RECQL5: variants seen among roughly 807,000 people sequenced by gnomAD.
RECQL5 encodes ATP-dependent DNA helicase Q5.
In RECQL5, 88 loss-of-function variants were observed where a neutral mutation model predicts 103.4. The observed-to-expected ratio is 0.85, with a 90% CI of 0.72 to 1.02. RECQL5 has a LOEUF of 1.02. Ranked by LOEUF, RECQL5 falls within the 50% of genes least tolerant of loss-of-function variation. RECQL5 has a pLI of 0.00. For missense variants in RECQL5, 1,232 were observed against 1,284.3 expected, an observed-to-expected ratio of 0.96 and a Z score of 0.62; for synonymous variants, 552 against 507.9, an observed-to-expected ratio of 1.09 and a Z score of -1.17.
Position 75,658,669 on chromosome 17 carries a change from G to C in RECQL5, c.987-209C>G, listed in dbSNP as rs73995958. Among the ~76,000 whole-genome samples, 562 of 152,260 alleles carry C rather than the reference G, an allele frequency of 3.7e-3. 3 individuals are homozygous for C. The highest frequency in any genetic ancestry group is 0.012 in the African/African-American group (507 of 41,538). ...CTTAGAGGCCACAGCAGGAGTTAAG[G>C]GGGGGCAAATCCAGCACATATGAGG... On this transcript the variant is annotated intron_variant, in intron 6 of 19. Coordinates refer to ENST00000317905, the MANE Select transcript of RECQL5 (RefSeq NM_004259.7).
At chr17:75,632,046 A>G (rs1010707621) in intron 8 of RECQL5, among the ~76,000 whole-genome samples, 2 of 152,224 alleles carry the variant, frequency 1.3e-5, no homozygotes, top group Non-Finnish European at 2.9e-5. Flanking sequence ...AAGCCCATGC[A>G]TTCCCGTCAG....
chr17:75,645,297 A>T (rs1271046662), intron 8 of RECQL5, among the ~76,000 whole-genome samples: 2 of 152,220 alleles, frequency 1.3e-5, no homozygotes, highest in East Asian at 3.8e-4. Context: ...ATTTCTAGAA[A>T]GAATTTCTTT....
intron 4 of RECQL5, 121 bp from the exon 5 acceptor site, chr17:75,661,829 T>C: frequency 4.4e-6 from 3 of 681,252 alleles, no homozygotes; most frequent in Non-Finnish European, 7.5e-6. Flanking sequence ...CAGTCTCTTC[T>C]GAGGCAGGAC....
At chr17:75,659,164 C>A (rs1372132701) in intron 6 of RECQL5, among the ~76,000 whole-genome samples, 1 of 152,056 alleles carries the variant, frequency 6.6e-6, no homozygotes, top group Non-Finnish European at 1.5e-5. Flanking sequence ...CGGGTTCAAG[C>A]GATTCTCCTG....
intron 4 of RECQL5, among the ~76,000 whole-genome samples, chr17:75,662,024 G>T (rs1354590233): frequency 1.3e-5 from 2 of 152,196 alleles, no homozygotes; most frequent in Non-Finnish European, 2.9e-5. Context: ...AACCGGGAGT[G>T]GTGGCGCATG....
Position 75,626,972 on chromosome 17 carries a change from G to A in RECQL5, c.*450C>T. On this transcript the variant is annotated 3_prime_UTR_variant, in exon 20 of 20. Coordinates refer to ENST00000317905, the MANE Select transcript of RECQL5 (RefSeq NM_004259.7). ...AACAGGGCCTGGCTGCCTCTCCTCT[G>A]CCACAGCTCTGACCTGGGCAAGGCT... The A allele has an allele frequency of 8.4e-6, 3 of 358,286 alleles. No homozygotes were observed. The highest frequency in any genetic ancestry group is 6.4e-5 in the South Asian group (3 of 46,710). The allele number at this position is 358,286 out of a possible 1,614,324, so 22.2% of individuals were successfully genotyped here.
intron 1 of RECQL5, 127 bp from the exon 2 acceptor site, chr17:75,666,698 G>T: frequency 1.1e-6 from 1 of 908,248 alleles, no homozygotes; most frequent in Non-Finnish European, 1.6e-6. Flanking sequence ...TTATTTTTAA[G>T]TAATAAAGCT....
chr17:75,631,354 G>A, intron 9 of RECQL5, 96 bp downstream of exon 9: 1 of 1,524,714 alleles, frequency 6.6e-7, no homozygotes, highest in Non-Finnish European at 9.1e-7. Context: ...GCTCAAGGGG[G>A]GATTGCGGCA....
intron 2 of RECQL5, 72 bp from the exon 3 acceptor site, chr17:75,665,244 G>T: frequency 6.9e-7 from 1 of 1,443,454 alleles, no homozygotes; most frequent in Non-Finnish European, 9.6e-7. Context: ...AATTAAATGA[G>T]AATGTAGGAA....
intron 2 of RECQL5, among the ~76,000 whole-genome samples, chr17:75,665,505 C>T (rs955848320): frequency 6.6e-6 from 1 of 152,072 alleles, no homozygotes; most frequent in African/African-American, 2.4e-5. Flanking sequence ...GCCTGGCCAA[C>T]ATGGTGAAAC....
At position 75,628,656 on chromosome 17, in the gene RECQL5, T is replaced by C; in HGVS notation, c.2580+16A>G. 4.4e-6 allele frequency: 7 copies of C among 1,578,694 alleles called. No individual in the cohort carries two copies. The highest frequency in any genetic ancestry group is 5.1e-6 in the Non-Finnish European group (6 of 1,169,692). ...AGCCCTTCTCTCCTCCCCAACAGAC[T>C]CATCCCTGCCGGCACCTGCTGGGAT... is the stretch of plus-strand genomic sequence containing the variant. On this transcript the variant is annotated intron_variant, in intron 17 of 19. Transcript: ENST00000317905.
chr17:75,660,891 G>C, intron 6 of RECQL5, 64 bp downstream of exon 6: 1 of 1,213,374 alleles, frequency 8.2e-7, no homozygotes, highest in Non-Finnish European at 1.2e-6. Flanking sequence ...TTTGGGCACA[G>C]CACTAGGCAA....
Position 75,630,247 on chromosome 17 carries a change from C to T in RECQL5, c.1749G>A (p.Leu583=). ...TGGCGTTCCGGAATGTCTCATGTTC[C>T]AGCTCCACGGCCTTGGCCCGGAGGT... is the stretch of plus-strand genomic sequence containing the variant. ...EADLRAKAVE[L]EHETFRNAKV... The change falls in exon 14 of 20, where the codon CTG becomes CTA. Residue 583 remains leucine, a synonymous_variant. Transcript: ENST00000317905. 1 of 1,562,100 alleles carries T rather than the reference C, an allele frequency of 6.4e-7. No homozygotes were observed. The highest frequency in any genetic ancestry group is 8.7e-7 in the Non-Finnish European group (1 of 1,152,192).
At chr17:75,660,416 G>A (rs2059684060) in intron 6 of RECQL5, among the ~76,000 whole-genome samples, 1 of 152,212 alleles carries the variant, frequency 6.6e-6, no homozygotes, top group African/African-American at 2.4e-5. Context: ...TCATCATTGT[G>A]CAAACATTAC....
rs1265934432 is a variant in RECQL5, at chr17:75,626,926, CCTGAGCAGGAG to C, written c.*485_*495del. 5.7e-6 allele frequency: 2 copies of C among 352,780 alleles called. No individual in the cohort carries two copies. Among genetic ancestry groups the C allele is most frequent in the African/African-American group, 2.1e-5 (1 of 46,886 alleles). The allele number at this position is 352,780 out of a possible 1,614,324, so 21.9% of individuals were successfully genotyped here. ...CCAAACATCTGTCAGGCCTGGCCTT[CCTGAGCAGGAG>C]CTGAGCAGGAACAGGGCCTGGCTGC... On this transcript the variant is annotated 3_prime_UTR_variant, in exon 20 of 20. Transcript: ENST00000317905.
rs1214303444 is a variant in RECQL5 at position 75,640,264 on chromosome 17, G to GC, written c.1230-8597dup. ...TGGGCGAGAGGCTGCTGCTCAAGCT[G>GC]CAGAGACTGCCCCAGGCTGAGCCCG... On this transcript the variant is annotated intron_variant, in intron 8 of 19. Transcript: ENST00000317905. This position sits in a 1 kb window ranked among gnomAD's most constrained non-coding sequence, Gnocchi z 4.6. 13 of 1,551,506 alleles carry GC rather than the reference G, an allele frequency of 8.4e-6. No individual in the cohort carries two copies. The highest frequency in any genetic ancestry group is 1.1e-5 in the Non-Finnish European group (13 of 1,146,892).
chr17:75,641,336 G>C (rs1054894706), intron 8 of RECQL5: 5 of 165,350 alleles, frequency 3.0e-5, no homozygotes, highest in African/African-American at 9.5e-5. Flanking sequence ...GCTCCCGCCA[G>C]AGCGTGAGCA....
rs1410811151 is a variant in RECQL5, at chr17:75,626,870, T to A, written c.*552A>T. ...GAAAAGGGCTGTGTGCACGCCTGCA[T>A]GCCCCACAACAACACAACTTTATTC... On this transcript the variant is annotated 3_prime_UTR_variant, in exon 20 of 20. Transcript: ENST00000317905. 2.6e-6 allele frequency: 1 copy of A among 384,874 alleles called. No homozygotes were observed. The highest frequency in any genetic ancestry group is 2.1e-5 in the African/African-American group (1 of 48,402). 23.8% of individuals were successfully genotyped at this position (384,874 alleles called of 1,614,324 possible).
intron 8 of RECQL5, chr17:75,647,549 C>G: frequency 1.3e-6 from 2 of 1,550,156 alleles, no homozygotes; most frequent in Non-Finnish European, 8.7e-7. Flanking sequence ...CAGTGTGAAG[C>G]GGGTGAAGAG....
Sources: gnomAD v4.1 joint callset for allele counts (sites outside exome capture counted in the v4.1 genomes callset) on GRCh38, gnomAD v4.1.1 for gene constraint, Gnocchi (gnomAD v3.1) non-coding constraint, MANE v1.5 for transcripts, NCBI Gene and HGNC (gene_info 2026-07-23, HGNC 2026-07-21) for gene names.